The following GALNT7 variants were observed in gnomAD, a reference collection of about 807,000 sequenced individuals.
The protein encoded by GALNT7 is polypeptide N-acetylgalactosaminyltransferase 7, also known as N-acetylgalactosaminyltransferase 7.
Under a neutral mutation model 82.1 loss-of-function variants are expected in GALNT7, and 60 were observed. The ratio of observed to expected loss-of-function variants is 0.73; its 90% CI spans 0.59 to 0.91. GALNT7 has a LOEUF of 0.91. GALNT7 is among the 40% of genes least tolerant of loss of function. The pLI is 0.00. For synonymous variants in GALNT7, 243 were observed against 275.1 expected, an observed-to-expected ratio of 0.88 and a Z score of 1.15; for missense variants, 660 against 804.2, an observed-to-expected ratio of 0.82 and a Z score of 2.17.
Position 173,317,639 on chromosome 4 carries a change from A to G in GALNT7, c.1614A>G (p.Arg538=). Residue 538 remains arginine, a synonymous_variant, in exon 10 of 12, where the codon AGA becomes AGG. Coordinates refer to ENST00000265000, the MANE Select transcript of GALNT7 (RefSeq NM_017423.3). ...PPKNVDWGEI[R]GFETAYCIDS... ...GTCTTTATTCATTTTTTTAGATCAG[A>G]GGCTTCGAAACTGCTTACTGCATTG... 2 of 1,603,520 alleles carry G rather than the reference A, an allele frequency of 1.2e-6. No homozygotes were observed. Among genetic ancestry groups the G allele is most frequent in the South Asian group, 1.1e-5 (1 of 90,770 alleles).
rs190308494 is a variant in GALNT7, at chr4:173,191,918, A to G, written c.126+22957A>G. On this transcript the variant is annotated intron_variant, in intron 1 of 11. Coordinates refer to ENST00000265000, the MANE Select transcript of GALNT7 (RefSeq NM_017423.3). ...TTGAGGAGAGAAAGGTAACTAAGAT[A>G]TAATCTCTGTTCTCAGGTAAGCCAC... 1.5e-3 allele frequency among the ~76,000 whole-genome samples: 222 copies of G among 152,336 alleles called. 1 individual carries two copies. Among genetic ancestry groups the G allele is most frequent in the South Asian group, 2.1e-3 (10 of 4,824 alleles).
rs1014802333 is a variant in GALNT7, at chr4:173,241,227, A to G, written c.127-6753A>G. ...CTCTATTTAAAAAAAAAAAAAAAAG[A>G]AAGAAAGAAAAGAAATAGTTGATAT... is the stretch of plus-strand genomic sequence containing the variant. On this transcript the variant is annotated intron_variant, in intron 1 of 11. Coordinates refer to ENST00000265000, the MANE Select transcript of GALNT7 (RefSeq NM_017423.3). 9.5e-5 allele frequency among the ~76,000 whole-genome samples: 10 copies of G among 105,188 alleles called. No individual in the cohort carries two copies. In the East Asian group the frequency reaches 9.6e-4, roughly 10 times the overall value. 69.0% of individuals were successfully genotyped at this position (105,188 alleles called of 152,430 possible). A position where few individuals can be genotyped will look rare whatever the true frequency, so the allele number is the denominator to read the frequency against.
At chr4:173,305,712 G>C (rs1737132129) in intron 8 of GALNT7, among the ~76,000 whole-genome samples, 1 of 152,064 alleles carries the variant, frequency 6.6e-6, no homozygotes, top group Non-Finnish European at 1.5e-5. Context: ...CCATAAATGC[G>C]TGGATTATTT....
intron 5 of GALNT7, among the ~76,000 whole-genome samples, 155 bp downstream of exon 5, chr4:173,295,998 G>A (rs1736705727): frequency 6.6e-6 from 1 of 152,202 alleles, no homozygotes; most frequent in Admixed American, 6.5e-5. Context: ...GGTGGAGCTA[G>A]ACTGATACTG....
intron 2 of GALNT7, among the ~76,000 whole-genome samples, chr4:173,273,075 C>A (rs1735786003): frequency 6.6e-6 from 1 of 152,184 alleles, no homozygotes; most frequent in South Asian, 2.1e-4. Flanking sequence ...TATCATGCTG[C>A]TACTGTAAGA....
Position 173,302,286 on chromosome 4 carries a change from TG to T in GALNT7, c.1266+123del. On this transcript the variant is annotated intron_variant, in intron 7 of 11. Coordinates refer to ENST00000265000, the MANE Select transcript of GALNT7 (RefSeq NM_017423.3). This position sits in a 1 kb window ranked among gnomAD's most constrained non-coding sequence, Gnocchi z 4.2. ...AATTATATCATGCATTTCTCCAAAT[TG>T]TATAGAATGATTTAATGAAAATGGA... is the stretch of plus-strand genomic sequence containing the variant. The T allele has an allele frequency of 7.1e-6, 5 of 702,878 alleles. No homozygotes were observed. In the South Asian group the frequency reaches 8.0e-5, roughly 11 times the overall value. The allele number at this position is 702,878 out of a possible 1,614,324, so 43.5% of individuals were successfully genotyped here. A position where few individuals can be genotyped will look rare whatever the true frequency, so the allele number is the denominator to read the frequency against.
chr4:173,308,003 A>G (rs1006057916), intron 8 of GALNT7, among the ~76,000 whole-genome samples: 3 of 152,220 alleles, frequency 2.0e-5, no homozygotes, highest in African/African-American at 4.8e-5. Flanking sequence ...AAACTATGGT[A>G]GTTCCTGCTG....
intron 5 of GALNT7, chr4:173,297,859 C>T: frequency 4.0e-6 from 6 of 1,503,306 alleles, no homozygotes; most frequent in Non-Finnish European, 5.3e-6. Flanking sequence ...TGAACCACAG[C>T]AAGGTGGGGA....
chr4:173,218,356 G>T (rs1418553628), intron 1 of GALNT7, among the ~76,000 whole-genome samples: 4 of 152,156 alleles, frequency 2.6e-5, no homozygotes. Flanking sequence ...TTGAAAAAAC[G>T]TGAGACGATT....
chr4:173,313,421 A>G (rs1205948458), intron 8 of GALNT7, among the ~76,000 whole-genome samples: 2 of 152,112 alleles, frequency 1.3e-5, no homozygotes, highest in East Asian at 3.9e-4. Context: ...AATAACAAAA[A>G]TTAGCCAGGT....
intron 2 of GALNT7, among the ~76,000 whole-genome samples, chr4:173,250,221 T>C (rs1312799667): frequency 4.6e-5 from 7 of 152,102 alleles, no homozygotes; most frequent in Admixed American, 1.3e-4. Context: ...TATATCTCTC[T>C]CTCTGAGTAG....
chr4:173,254,179 A>G (rs756896314), intron 2 of GALNT7, among the ~76,000 whole-genome samples: 2 of 152,216 alleles, frequency 1.3e-5, no homozygotes, highest in Non-Finnish European at 2.9e-5. Context: ...TGTTAGTAAG[A>G]TCGTTAATAT....
chr4:173,231,283 A>G (rs1306930676), intron 1 of GALNT7, among the ~76,000 whole-genome samples: 1 of 152,216 alleles, frequency 6.6e-6, no homozygotes. Context: ...GTTGCCAAAG[A>G]TAGCCTTATA....
chr4:173,289,404 A>G (rs1736457583), intron 2 of GALNT7, among the ~76,000 whole-genome samples: 1 of 152,162 alleles, frequency 6.6e-6, no homozygotes, highest in South Asian at 2.1e-4. Context: ...GGGTGGAGCA[A>G]AAGTTTAATA....
At chr4:173,184,124 G>C (rs181000951) in intron 1 of GALNT7, among the ~76,000 whole-genome samples, 3,642 of 150,764 alleles carry the variant, frequency 0.024, 109 homozygotes, top group African/African-American at 0.073. Context: ...ACTGGGCGGC[G>C]GGGCAGAGGG....
intron 1 of GALNT7, among the ~76,000 whole-genome samples, chr4:173,189,178 A>T (rs547374405): frequency 7.2e-5 from 11 of 152,306 alleles, no homozygotes; most frequent in Non-Finnish European, 1.3e-4. Context: ...GCGGTTATTT[A>T]TCAAAAAAGA....
At position 173,311,115 on chromosome 4, in the gene GALNT7, G is replaced by A. The variant is rs184463094; in HGVS notation, c.1390-2843G>A. On this transcript the variant is annotated intron_variant, in intron 8 of 11. Transcript: ENST00000265000. ...GCTATACTGCAATACACCATGATTT[G>A]TCATACTGCATTTGCTTTTCTCTTT... Among the ~76,000 whole-genome samples, 476 of 152,258 alleles carry A rather than the reference G, an allele frequency of 3.1e-3. 10 individuals are homozygous for A. The highest frequency in any genetic ancestry group is 0.029 in the Admixed American group (450 of 15,292).
At position 173,321,928 on chromosome 4, in the gene GALNT7, A is replaced by G. The variant is rs1435318161; in HGVS notation, c.*211A>G. 2 of 431,822 alleles carry G rather than the reference A, an allele frequency of 4.6e-6. No homozygotes were observed. Among genetic ancestry groups the G allele is most frequent in the Non-Finnish European group, 8.4e-6 (2 of 237,172 alleles). The allele number at this position is 431,822 out of a possible 1,614,324, so 26.7% of individuals were successfully genotyped here. On this transcript the variant is annotated 3_prime_UTR_variant, in exon 12 of 12. Coordinates refer to ENST00000265000, the MANE Select transcript of GALNT7 (RefSeq NM_017423.3). The stretch of plus-strand genomic sequence containing the variant: ...GTTTACAAGACTGCTTTTACCTTAA[A>G]CTTTGTAGATGTTTACATCTTTTTG...
intron 2 of GALNT7, among the ~76,000 whole-genome samples, chr4:173,275,321 G>A (rs980121511): frequency 3.3e-5 from 5 of 152,178 alleles, no homozygotes; most frequent in African/African-American, 4.8e-5. Flanking sequence ...TAACCGTACC[G>A]TTACTGTGTT....
Sources: gnomAD v4.1 joint callset for allele counts (sites outside exome capture counted in the v4.1 genomes callset) on GRCh38, gnomAD v4.1.1 for gene constraint, Gnocchi (gnomAD v3.1) non-coding constraint, MANE v1.5 for transcripts, NCBI Gene and HGNC (gene_info 2026-07-23, HGNC 2026-07-21) for gene names.